Variants in APBA2 observed in about 807,000 individuals in gnomAD.
APBA2 encodes the protein amyloid-beta A4 precursor protein-binding family A member 2.
APBA2 carries 30 observed loss-of-function variants against 75.0 expected under a neutral mutation model. That is an observed-to-expected ratio of 0.40 (90% CI 0.30 to 0.54). APBA2 has a LOEUF of 0.54. APBA2 is among the 20% of genes least tolerant of loss of function. APBA2 has a pLI of 0.49. For synonymous variants in APBA2, 444 were observed against 409.6 expected (o/e 1.08, Z -1.01); for missense variants, 801 against 1,016.1 (o/e 0.79, Z 2.88).
intron 2 of APBA2, among the ~76,000 whole-genome samples, chr15:28,988,436 G>T (rs890066794): frequency 6.6e-6 from 1 of 151,858 alleles, no homozygotes; most frequent in Non-Finnish European, 1.5e-5. Flanking sequence ...GCTAATTTTT[G>T]TATTTTTGGT....
chr15:28,973,656 T>G (rs971624599), intron 2 of APBA2, among the ~76,000 whole-genome samples: 4 of 152,144 alleles, frequency 2.6e-5, no homozygotes, highest in Non-Finnish European at 5.9e-5. Flanking sequence ...TAAAAAAAAT[T>G]GTATATGTAT....
At chr15:28,900,823 T>G (rs2152629848) in intron 1 of APBA2, among the ~76,000 whole-genome samples, 1 of 152,292 alleles carries the variant, frequency 6.6e-6, no homozygotes, top group Admixed American at 6.5e-5. Flanking sequence ...AGGCAGGCAC[T>G]CACTCATTTG....
Position 29,046,140 on chromosome 15 carries a change from G to T in APBA2, c.-40-7705G>T, listed in dbSNP as rs547009493. ...GCTTACACATTGAGGTGTGTTAAAT[G>T]GAATTCTTTATCATAAGGCTGCAAA... is the stretch of plus-strand genomic sequence containing the variant. On this transcript the variant is annotated intron_variant, in intron 3 of 14. Transcript: ENST00000683413. The surrounding 1 kb of genome is among the most constrained non-coding windows in gnomAD (Gnocchi z 5.0). Among the ~76,000 whole-genome samples, 61 of 152,312 alleles carry T rather than the reference G, an allele frequency of 4.0e-4. No homozygotes were observed. The highest frequency in any genetic ancestry group is 8.5e-4 in the Admixed American group (13 of 15,298).
chr15:29,047,663 C>A (rs1187896344), intron 3 of APBA2, among the ~76,000 whole-genome samples: 1 of 152,134 alleles, frequency 6.6e-6, no homozygotes, highest in African/African-American at 2.4e-5. Context: ...CCATTGTTAA[C>A]TCCTCAGGGA....
At chr15:29,075,766 T>A (rs1467575797) in intron 5 of APBA2, among the ~76,000 whole-genome samples, 1 of 152,188 alleles carries the variant, frequency 6.6e-6, no homozygotes, top group Non-Finnish European at 1.5e-5. Context: ...TCATGCCCCC[T>A]GGTTGGAGCG....
At chr15:28,961,180 C>G (rs1364107436) in intron 2 of APBA2, 1 of 152,218 alleles carries the variant, frequency 6.6e-6, no homozygotes, top group East Asian at 1.9e-4. Flanking sequence ...CCCATATACG[C>G]TTAAAAATAC....
chr15:28,936,820 G>C (rs1306188374), intron 2 of APBA2, among the ~76,000 whole-genome samples: 1 of 152,160 alleles, frequency 6.6e-6, no homozygotes, highest in African/African-American at 2.4e-5. Context: ...CTTGGTGGGG[G>C]ATGGGAGGCA....
chr15:29,038,569 G>C (rs2040860606), intron 3 of APBA2, among the ~76,000 whole-genome samples: 1 of 152,064 alleles, frequency 6.6e-6, no homozygotes, highest in African/African-American at 2.4e-5. Context: ...GAAGCATTAG[G>C]TGAACGGTGG....
chr15:29,076,648 A>G (rs1171892791), intron 6 of APBA2, among the ~76,000 whole-genome samples: 1 of 152,096 alleles, frequency 6.6e-6, no homozygotes, highest in African/African-American at 2.4e-5. Flanking sequence ...TAGGAGATCC[A>G]CTGGGTTTGC....
intron 3 of APBA2, among the ~76,000 whole-genome samples, chr15:29,010,510 G>A (rs185470484): frequency 2.6e-5 from 4 of 152,174 alleles, no homozygotes; most frequent in East Asian, 1.9e-4. Flanking sequence ...CGCCCAACTC[G>A]GCCTCCCAAA....
At chr15:28,925,130 C>G (rs563650712) in intron 2 of APBA2, among the ~76,000 whole-genome samples, 2 of 152,080 alleles carry the variant, frequency 1.3e-5, no homozygotes, top group Non-Finnish European at 2.9e-5. Context: ...ATCAATTGAT[C>G]TGATCATATG....
Position 29,053,990 on chromosome 15 carries a change from C to T in APBA2, c.106C>T (p.Leu36=). The change falls in exon 4 of 15, where the codon CTG becomes TTG. Residue 36 remains leucine, a synonymous_variant. Transcript: ENST00000683413. ...SQEPESEDME[L]PLEGYVPEGL... ...GGAGCCCGAGAGCGAGGACATGGAGCTGCCCTTGGAGGGCTATGTGCCCGA... is the reference window on the plus strand; with the variant it reads ...GGAGCCCGAGAGCGAGGACATGGAGTTGCCCTTGGAGGGCTATGTGCCCGA... The T allele has an allele frequency of 5.0e-6, 8 of 1,614,022 alleles. No individual in the cohort carries two copies. Among genetic ancestry groups the T allele is most frequent in the Non-Finnish European group, 6.8e-6 (8 of 1,180,004 alleles).
intron 2 of APBA2, among the ~76,000 whole-genome samples, chr15:28,963,929 A>G (rs897966116): frequency 6.6e-6 from 1 of 152,188 alleles, no homozygotes; most frequent in Admixed American, 6.5e-5. Flanking sequence ...GTCCAATTGC[A>G]TGTGCAACTT....
chr15:28,940,767 C>T (rs1191527169), intron 2 of APBA2, among the ~76,000 whole-genome samples: 6 of 151,992 alleles, frequency 3.9e-5, no homozygotes, highest in East Asian at 1.9e-4. Context: ...TGGTTGATAC[C>T]GGGTTGGGGG....
intron 2 of APBA2, among the ~76,000 whole-genome samples, chr15:28,931,539 C>T (rs1284207709): frequency 2.6e-5 from 4 of 152,204 alleles, no homozygotes; most frequent in Non-Finnish European, 5.9e-5. Flanking sequence ...ACATCCACTG[C>T]CCTTTTAGCA....
intron 2 of APBA2, among the ~76,000 whole-genome samples, chr15:28,926,356 A>G (rs1337785450): frequency 6.6e-6 from 1 of 152,164 alleles, no homozygotes; most frequent in East Asian, 1.9e-4. Flanking sequence ...TATGTTTACA[A>G]TATGTATTTC....
At chr15:29,074,807 A>G in intron 4 of APBA2, 114 bp from the exon 5 acceptor site, 1 of 815,182 alleles carries the variant, frequency 1.2e-6, no homozygotes, top group Non-Finnish European at 2.1e-6. Context: ...ACACCTATAC[A>G]CATACAGACA....
intron 4 of APBA2, among the ~76,000 whole-genome samples, chr15:29,066,753 G>A (rs1353881371): frequency 6.6e-6 from 1 of 151,980 alleles, no homozygotes; most frequent in Non-Finnish European, 1.5e-5. Flanking sequence ...AAGAAAAGAA[G>A]AGGTTTTTCA....
intron 14 of APBA2, among the ~76,000 whole-genome samples, chr15:29,115,612 C>G (rs1018371509): frequency 6.6e-6 from 1 of 152,104 alleles, no homozygotes; most frequent in Admixed American, 6.5e-5. Context: ...TCAGCCCTGC[C>G]GAGGTTATGG....
Sources: gnomAD v4.1 joint callset for allele counts (sites outside exome capture counted in the v4.1 genomes callset) on GRCh38, gnomAD v4.1.1 for gene constraint, Gnocchi (gnomAD v3.1) non-coding constraint, MANE v1.5 for transcripts, NCBI Gene and HGNC (gene_info 2026-07-23, HGNC 2026-07-21) for gene names.